SMAP1: variants seen among roughly 807,000 people sequenced by gnomAD.
The protein encoded by SMAP1 is small ArfGAP 1, also known as stromal membrane-associated protein 1.
Under a neutral mutation model 58.5 loss-of-function variants are expected in SMAP1, and 24 were observed. The observed-to-expected ratio is 0.41, with a 90% CI of 0.30 to 0.58. The LOEUF (loss-of-function observed/expected upper bound fraction) is 0.58, where lower values mean the gene tolerates loss of function less well. SMAP1 is among the 20% of genes least tolerant of loss of function. SMAP1 has a pLI of 0.29. For synonymous variants in SMAP1, 216 were observed against 196.6 expected (o/e 1.10, Z -0.82); for missense variants, 563 against 566.3 (o/e 0.99, Z 0.06).
intron 2 of SMAP1, among the ~76,000 whole-genome samples, chr6:70,743,217 T>C (rs544250069): frequency 1.3e-5 from 2 of 152,290 alleles, no homozygotes; most frequent in East Asian, 3.9e-4. Context: ...GTCATTGTAG[T>C]GGTTTGTTTC....
chr6:70,834,486 G>A (rs1297958354), intron 6 of SMAP1, among the ~76,000 whole-genome samples: 2 of 152,004 alleles, frequency 1.3e-5, no homozygotes, highest in African/African-American at 2.4e-5. Flanking sequence ...GAATGAAAGT[G>A]TTTGGCCAGA....
intron 8 of SMAP1, 25 bp downstream of exon 8, chr6:70,852,689 T>C (rs1771235422): frequency 2.0e-6 from 3 of 1,535,046 alleles, no homozygotes; most frequent in Non-Finnish European, 2.6e-6. Flanking sequence ...TATGGTTTTA[T>C]ATGGTCACTG....
intron 3 of SMAP1, among the ~76,000 whole-genome samples, chr6:70,771,840 C>T (rs774294408): frequency 1.8e-4 from 27 of 152,172 alleles, no homozygotes; most frequent in African/African-American, 5.1e-4. Flanking sequence ...CCATCTTCTG[C>T]GTCGCTCACG....
At chr6:70,739,251 A>G (rs1423370768) in intron 2 of SMAP1, among the ~76,000 whole-genome samples, 2 of 152,166 alleles carry the variant, frequency 1.3e-5, no homozygotes, top group Admixed American at 6.5e-5. Context: ...CTATTTTTTA[A>G]GTCTGTGGAT....
At chr6:70,736,461 T>C (rs182098008) in intron 2 of SMAP1, among the ~76,000 whole-genome samples, 3 of 152,246 alleles carry the variant, frequency 2.0e-5, no homozygotes, top group Admixed American at 2.0e-4. Context: ...AACTGTTGTT[T>C]TATAGCAGTA....
At chr6:70,756,297 T>C (rs755436196) in intron 3 of SMAP1, among the ~76,000 whole-genome samples, 4 of 152,210 alleles carry the variant, frequency 2.6e-5, no homozygotes, top group Admixed American at 1.3e-4. Context: ...GTGGAGGAAA[T>C]ATCTTTTCTC....
intron 2 of SMAP1, among the ~76,000 whole-genome samples, chr6:70,739,410 T>C (rs1482433947): frequency 6.6e-6 from 1 of 152,174 alleles, no homozygotes; most frequent in Non-Finnish European, 1.5e-5. Context: ...TCACTTTATC[T>C]TTTGTTGCAC....
intron 6 of SMAP1, among the ~76,000 whole-genome samples, chr6:70,830,655 A>G (rs1770321680): frequency 6.6e-6 from 1 of 152,218 alleles, no homozygotes; most frequent in Non-Finnish European, 1.5e-5. Context: ...CAAACCTGGA[A>G]AAAGTCAAAC....
intron 1 of SMAP1, among the ~76,000 whole-genome samples, chr6:70,727,930 G>T (rs1765255716): frequency 6.6e-6 from 1 of 152,174 alleles, no homozygotes; most frequent in South Asian, 2.1e-4. Flanking sequence ...GGGCGTGGTG[G>T]TATGTGCCTG....
In SMAP1 at chr6:70,798,268, G is replaced by GT. The variant is rs748111672; in HGVS notation, c.496-375dup. Among the ~76,000 whole-genome samples, 691 of 142,032 alleles carry GT rather than the reference G, an allele frequency of 4.9e-3. 3 individuals carry two copies. The highest frequency in any genetic ancestry group is 0.022 in the Middle Eastern group (6 of 274). 93.2% of individuals were successfully genotyped at this position (142,032 alleles called of 152,430 possible). A position where few individuals can be genotyped will look rare whatever the true frequency, so the allele number is the denominator to read the frequency against. On this transcript the variant is annotated intron_variant, in intron 5 of 10. Transcript: ENST00000370455. ...ATAAAGAAGTCTGTTCTATCACTTAGTTTTTTTTTTTTTTCCATTCAAAAT... is the reference window on the plus strand; with the variant it reads ...ATAAAGAAGTCTGTTCTATCACTTAGTTTTTTTTTTTTTTTCCATTCAAAAT...
At chr6:70,846,190 A>G (rs1770981618) in intron 7 of SMAP1, among the ~76,000 whole-genome samples, 1 of 152,174 alleles carries the variant, frequency 6.6e-6, no homozygotes, top group Non-Finnish European at 1.5e-5. Context: ...AAATAGTGTC[A>G]TTATTTCACT....
intron 2 of SMAP1, among the ~76,000 whole-genome samples, chr6:70,739,963 T>G (rs1253116021): frequency 6.6e-6 from 1 of 152,184 alleles, no homozygotes; most frequent in Non-Finnish European, 1.5e-5. Context: ...GTTGTTCTGT[T>G]TTTCCATGTC....
intron 5 of SMAP1, 84 bp downstream of exon 5, chr6:70,791,853 T>A (rs1415985319): frequency 1.8e-6 from 2 of 1,111,394 alleles, no homozygotes; most frequent in South Asian, 1.6e-5. Context: ...TCGGGAACAC[T>A]ATAATAGTTG....
Position 70,747,547 on chromosome 6 carries a change from G to A in SMAP1, c.253-7433G>A, listed in dbSNP as rs149480327. On this transcript the variant is annotated intron_variant, in intron 2 of 10. Transcript: ENST00000370455. ...ATAGATGACTAGATCCTGAATTAATGTAATGGCAGTGGACTTGATAAACAG... is the reference window on the plus strand; with the variant it reads ...ATAGATGACTAGATCCTGAATTAATATAATGGCAGTGGACTTGATAAACAG... Among the ~76,000 whole-genome samples the A allele has an allele frequency of 3.6e-4, 55 of 152,278 alleles. No homozygotes were observed. The East Asian group carries it at 7.3e-3, about 20-fold the overall frequency.
chr6:70,825,225 A>G (rs1770064324), intron 6 of SMAP1, among the ~76,000 whole-genome samples: 1 of 152,168 alleles, frequency 6.6e-6, no homozygotes. Flanking sequence ...GGCCATAGGA[A>G]AATATTAAAG....
intron 6 of SMAP1, among the ~76,000 whole-genome samples, chr6:70,807,440 T>C (rs1013706263): frequency 1.3e-5 from 2 of 152,174 alleles, no homozygotes; most frequent in Non-Finnish European, 2.9e-5. Flanking sequence ...TAAATTTCGT[T>C]TTTTCTAAAA....
At position 70,860,597 on chromosome 6, in the gene SMAP1, C is replaced by T; in HGVS notation, c.*263C>T. 1 of 432,562 alleles carries T rather than the reference C, an allele frequency of 2.3e-6. No individual in the cohort carries two copies. The highest frequency in any genetic ancestry group is 4.0e-6 in the Non-Finnish European group (1 of 246,980). The allele number at this position is 432,562 out of a possible 1,614,324, so 26.8% of individuals were successfully genotyped here. A position where few individuals can be genotyped will look rare whatever the true frequency, so the allele number is the denominator to read the frequency against. On this transcript the variant is annotated 3_prime_UTR_variant, in exon 11 of 11. Transcript: ENST00000370455. Reference sequence around the variant, plus strand: ...CTGCATTATTTGAGAAGCTGCTCAACTTGCAAAATCAGTTTTCCTCTCAAT... The same window carrying T: ...CTGCATTATTTGAGAAGCTGCTCAATTTGCAAAATCAGTTTTCCTCTCAAT...
At chr6:70,775,009 CAA>C (rs71538441) in intron 4 of SMAP1, among the ~76,000 whole-genome samples, 27 of 119,124 alleles carry the variant, frequency 2.3e-4, no homozygotes, top group Admixed American at 3.5e-4. Context: ...GATTCTGTGT[CAA>C]AAAAAAAAAA....
intron 6 of SMAP1, among the ~76,000 whole-genome samples, chr6:70,831,693 G>A (rs769305602): frequency 4.6e-5 from 7 of 152,078 alleles, no homozygotes; most frequent in Non-Finnish European, 8.8e-5. Flanking sequence ...TTGATTCCAT[G>A]TCTTTGCTAT....
Sources: gnomAD v4.1 joint callset for allele counts (sites outside exome capture counted in the v4.1 genomes callset) on GRCh38, gnomAD v4.1.1 for gene constraint, MANE v1.5 for transcripts, NCBI Gene and HGNC (gene_info 2026-07-23, HGNC 2026-07-21) for gene names.